Variants in CFAP251 observed in about 807,000 individuals in gnomAD.
The protein encoded by CFAP251 is cilia- and flagella-associated protein 251.
In CFAP251, 93 loss-of-function variants were observed where a neutral mutation model predicts 126.7. That is an observed-to-expected ratio of 0.73 (90% CI 0.62 to 0.87). The LOEUF is 0.87. Ranked by LOEUF, CFAP251 falls within the 40% of genes least tolerant of loss-of-function variation. CFAP251 has a pLI of 0.00. For missense variants in CFAP251, 1,287 were observed against 1,389.2 expected (o/e 0.93, Z 1.17); for synonymous variants, 503 against 506.9 (o/e 0.99, Z 0.10).
chr12:121,966,990 T>C lies in CFAP251; in HGVS notation c.2528T>C (p.Ile843Thr), dbSNP rs751845404. ...TLLGPAYGSPIEQTQVLPVRS... is the reference protein window; with the variant it reads ...TLLGPAYGSPTEQTQVLPVRS... The stretch of plus-strand genomic sequence containing the variant: ...CTGGGGCCAGCTTATGGTTCCCCTA[T>C]TGAGCAGACACAAGTCCTCCCAGTG... The change falls in exon 16 of 22, where the codon ATT becomes ACT. Residue 843 changes from isoleucine (I) to threonine (T), a missense_variant. Coordinates refer to ENST00000288912, the MANE Select transcript of CFAP251 (RefSeq NM_144668.6). The C allele has an allele frequency of 2.5e-6, 4 of 1,614,244 alleles. No homozygotes were observed. In the South Asian group the frequency reaches 3.3e-5, roughly 13 times the overall value.
chr12:121,971,709 C>T, intron 17 of CFAP251: 1 of 684,832 alleles, frequency 1.5e-6, no homozygotes, highest in Non-Finnish European at 2.7e-6. Context: ...CCTTAACAAA[C>T]ATTCATTACA....
rs753784878 is a variant in CFAP251, at chr12:121,957,159, C to A, written c.1621C>A (p.Leu541Met). Residue 541 changes from leucine (L) to methionine (M), a missense_variant, in exon 11 of 22, where the codon CTG (leucine) becomes ATG (methionine). Leu to Met is a conservative substitution (Grantham distance 15, BLOSUM62 2). Coordinates refer to ENST00000288912, the MANE Select transcript of CFAP251 (RefSeq NM_144668.6). ...SIVNWYSHLK[L>M]GAIRTLSFSK... ...TGTTAACTGGTACAGTCACTTGAAA[C>A]TGGGCGCCATAAGAACTCTGTCCTT... is the stretch of plus-strand genomic sequence containing the variant. 8.1e-6 allele frequency: 13 copies of A among 1,614,098 alleles called. No homozygotes were observed. The Admixed American group carries it at 2.2e-4, about 27-fold the overall frequency.
chr12:122,000,059 G>C, intron 20 of CFAP251, 115 bp downstream of exon 20: 2 of 995,112 alleles, frequency 2.0e-6, no homozygotes, highest in Non-Finnish European at 2.9e-6. Flanking sequence ...GAGGTGATTT[G>C]ACCAGATTTG....
At chr12:121,992,715 C>T (rs901613933) in intron 19 of CFAP251, among the ~76,000 whole-genome samples, 1 of 151,814 alleles carries the variant, frequency 6.6e-6, no homozygotes, top group African/African-American at 2.4e-5. Flanking sequence ...GTAGCTGGGA[C>T]TACAGGCACA....
In CFAP251 at chr12:121,923,706, CAAATT is replaced by C; in HGVS notation, c.464_468del (p.Gln155ArgfsTer4). ...TGAGCTTTTAAGAGACCTGAGCACA[CAAATT>C]GAATTTCTTGATTTGGATCAAATCA... On this transcript the variant is annotated frameshift_variant, in exon 3 of 22. Coordinates refer to ENST00000288912, the MANE Select transcript of CFAP251 (RefSeq NM_144668.6). LOFTEE classifies it high-confidence loss of function. The C allele has an allele frequency of 6.2e-7, 1 of 1,612,770 alleles. No individual in the cohort carries two copies.
In CFAP251 at chr12:121,991,344, C is replaced by T. The variant is rs1467512382; in HGVS notation, c.3007-8372C>T. Among the ~76,000 whole-genome samples the T allele has an allele frequency of 3.3e-5, 5 of 152,316 alleles. No homozygotes were observed. The South Asian group carries it at 6.2e-4, about 19-fold the overall frequency. On this transcript the variant is annotated intron_variant, in intron 19 of 21. Coordinates refer to ENST00000288912, the MANE Select transcript of CFAP251 (RefSeq NM_144668.6). Reference sequence around the variant, plus strand: ...TAGAGCGTGCACCGCAGCTGCCACCCATTATTACTCTCTACTGAAAGTCAC... The same window carrying T: ...TAGAGCGTGCACCGCAGCTGCCACCTATTATTACTCTCTACTGAAAGTCAC...
chr12:121,957,741 T>C (rs1320986614), intron 11 of CFAP251, among the ~76,000 whole-genome samples: 1 of 151,914 alleles, frequency 6.6e-6, no homozygotes, highest in Non-Finnish European at 1.5e-5. Flanking sequence ...AACATGACTT[T>C]AATATTAAGA....
intron 5 of CFAP251, among the ~76,000 whole-genome samples, chr12:121,935,324 TGGGAAGATA>T (rs1430749509): frequency 6.6e-6 from 1 of 152,196 alleles, no homozygotes; most frequent in Non-Finnish European, 1.5e-5. Flanking sequence ...ACAGAAGAAT[TGGGAAGATA>T]GTACTGAGGA....
At chr12:121,930,973 C>T (rs940955759) in intron 3 of CFAP251, among the ~76,000 whole-genome samples, 1 of 151,954 alleles carries the variant, frequency 6.6e-6, no homozygotes, top group African/African-American at 2.4e-5. Context: ...GGTCTAGAAC[C>T]CTCAACCTCA....
At chr12:121,986,594 C>A (rs1265480869) in intron 19 of CFAP251, among the ~76,000 whole-genome samples, 1 of 151,470 alleles carries the variant, frequency 6.6e-6, no homozygotes, top group Non-Finnish European at 1.5e-5. Flanking sequence ...CCACCGCGCC[C>A]AGCCGAATTT....
At position 121,967,194 on chromosome 12, in the gene CFAP251, A is replaced by G. The variant is rs1882172880; in HGVS notation, c.2607+125A>G. ...AGCCAAGCCCAACTGCTTCCACCCC[A>G]GTCAGCTGTGATACTGAAAATTGCC... On this transcript the variant is annotated intron_variant, in intron 16 of 21. Transcript: ENST00000288912. 6 of 806,016 alleles carry G rather than the reference A, an allele frequency of 7.4e-6. No homozygotes were observed. In the South Asian group the frequency reaches 1.0e-4, roughly 14 times the overall value. 49.9% of individuals were successfully genotyped at this position (806,016 alleles called of 1,614,324 possible).
chr12:121,958,755 C>T (rs112966346), intron 12 of CFAP251, among the ~76,000 whole-genome samples, 188 bp from the exon 13 acceptor site: 1 of 151,644 alleles, frequency 6.6e-6, no homozygotes, highest in Non-Finnish European at 1.5e-5. Flanking sequence ...CCCGCGGTGT[C>T]CTGGGCCTAT....
intron 19 of CFAP251, among the ~76,000 whole-genome samples, chr12:121,976,295 G>A (rs1882457537): frequency 2.0e-5 from 3 of 152,024 alleles, no homozygotes; most frequent in South Asian, 4.1e-4. Flanking sequence ...AGGCATGAGC[G>A]ACCACTCCCG....
rs955771822 is a variant in CFAP251 at position 121,989,487 on chromosome 12, TG to T, written c.3007-10228del. On this transcript the variant is annotated intron_variant, in intron 19 of 21. Coordinates refer to ENST00000288912, the MANE Select transcript of CFAP251 (RefSeq NM_144668.6). The surrounding 1 kb of genome is among the most constrained non-coding windows in gnomAD (Gnocchi z 4.2). ...TATGGAGCAGTTGGGGTCACAGTGT[TG>T]CATGAATCGCAGAGGGGGCGCTCAC... 5.3e-5 allele frequency among the ~76,000 whole-genome samples: 8 copies of T among 152,212 alleles called. No individual in the cohort carries two copies. The highest frequency in any genetic ancestry group is 1.9e-4 in the African/African-American group (8 of 41,460).
intron 15 of CFAP251, 65 bp downstream of exon 15, chr12:121,962,227 A>G: frequency 6.6e-7 from 1 of 1,505,652 alleles, no homozygotes; most frequent in Non-Finnish European, 9.1e-7. Flanking sequence ...AACCTGTTTC[A>G]GGTCTCCACA....
chr12:121,991,947 C>T (rs1230115687), intron 19 of CFAP251, among the ~76,000 whole-genome samples: 2 of 152,094 alleles, frequency 1.3e-5, no homozygotes, highest in African/African-American at 4.8e-5. Context: ...GATCCGAGAT[C>T]ACGCCACTGG....
intron 19 of CFAP251, among the ~76,000 whole-genome samples, chr12:121,995,760 A>G (rs913408784): frequency 2.0e-5 from 3 of 152,222 alleles, no homozygotes; most frequent in Non-Finnish European, 4.4e-5. Context: ...TGCTGGGATT[A>G]TAGGCATGAG....
chr12:121,965,316 G>A (rs556015381), intron 15 of CFAP251, among the ~76,000 whole-genome samples: 13 of 152,174 alleles, frequency 8.5e-5, no homozygotes, highest in Admixed American at 3.3e-4. Flanking sequence ...CTAGGAAAAC[G>A]GGCACTCTCA....
intron 4 of CFAP251, chr12:121,932,915 A>G (rs1450865052): frequency 1.3e-5 from 2 of 152,630 alleles, no homozygotes; most frequent in African/African-American, 2.4e-5. Flanking sequence ...TCAGATAGTC[A>G]GGGGAAGCAG....
Sources: allele counts gnomAD v4.1 joint callset (sites outside exome capture counted in the v4.1 genomes callset), GRCh38; gene constraint gnomAD v4.1.1; non-coding constraint Gnocchi (gnomAD v3.1); transcripts MANE v1.5; gene names NCBI Gene and HGNC (gene_info 2026-07-23, HGNC 2026-07-21).